LEMD2: variants seen among roughly 807,000 people sequenced by gnomAD.
LEMD2 encodes the protein LEM domain-containing protein 2.
Under a neutral mutation model 58.8 loss-of-function variants are expected in LEMD2, and 34 were observed. The ratio of observed to expected loss-of-function variants is 0.58; its 90% CI spans 0.44 to 0.77. The LOEUF is 0.77. LEMD2 is among the 30% of genes least tolerant of loss of function. The pLI is 0.00. For synonymous variants in LEMD2, 298 were observed against 308.9 expected (o/e 0.96, Z 0.37); for missense variants, 629 against 717.9 (o/e 0.88, Z 1.42).
chr6:33,777,894 T>C (rs1414692754), intron 6 of LEMD2, among the ~76,000 whole-genome samples: 4 of 152,246 alleles, frequency 2.6e-5, no homozygotes, highest in African/African-American at 9.6e-5. Context: ...AAGCCCCTGC[T>C]GTGCCTCCTG....
intron 4 of LEMD2, 79 bp from the exon 5 acceptor site, chr6:33,780,258 A>G (rs867893530): frequency 2.4e-6 from 3 of 1,271,284 alleles, no homozygotes; most frequent in Middle Eastern, 3.7e-4. Context: ...TGGATTAAGG[A>G]AGCCCTCTCC....
intron 3 of LEMD2, chr6:33,781,984 T>C (rs1314931181): frequency 6.6e-6 from 1 of 152,338 alleles, no homozygotes; most frequent in Non-Finnish European, 1.5e-5. Flanking sequence ...CCAGTGAGTG[T>C]GTTTCTGCAT....
intron 8 of LEMD2, among the ~76,000 whole-genome samples, chr6:33,774,030 G>C (rs539174418): frequency 6.6e-6 from 1 of 152,298 alleles, no homozygotes; most frequent in South Asian, 2.1e-4. Context: ...ATGCACGAAG[G>C]CTTGGGTGGT....
Position 33,778,187 on chromosome 6 carries a change from G to A in LEMD2, c.1156+55C>T. The A allele has an allele frequency of 1.3e-6, 2 of 1,492,486 alleles. No homozygotes were observed. The highest frequency in any genetic ancestry group is 1.8e-6 in the Non-Finnish European group (2 of 1,112,730). 92.5% of individuals were successfully genotyped at this position (1,492,486 alleles called of 1,614,324 possible). ...GGAATTTCTATAGCTCATCATTCAT[G>A]CCTAGGAGTATGCTTGACTGCACAG... On this transcript the variant is annotated intron_variant, in intron 6 of 8. Transcript: ENST00000293760. This position sits in a 1 kb window ranked among gnomAD's most constrained non-coding sequence, Gnocchi z 4.7.
rs771483321 is a variant in LEMD2 at position 33,788,973 on chromosome 6, C to G, written c.144G>C (p.Glu48Asp). ...LRGEARLRDE[E>D]RLREEARPRG... ...GCGGCCGGGCCTCCTCCCGCAGCCG[C>G]TCCTCGTCGCGCAGCCGGGCCTCGC... The change falls in exon 1 of 9, where the codon GAG becomes GAC. Residue 48 changes from glutamate (E) to aspartate (D), a missense_variant. Coordinates refer to ENST00000293760, the MANE Select transcript of LEMD2 (RefSeq NM_181336.4). 5 of 1,538,138 alleles carry G rather than the reference C, an allele frequency of 3.3e-6. No homozygotes were observed. The East Asian group carries it at 1.3e-4, about 41-fold the overall frequency.
Position 33,780,269 on chromosome 6 carries a change from C to G in LEMD2, c.931-90G>C, listed in dbSNP as rs1316259153. 2.6e-6 allele frequency: 3 copies of G among 1,146,516 alleles called. No individual in the cohort carries two copies. The South Asian group carries it at 4.0e-5, about 15-fold the overall frequency. 71.0% of individuals were successfully genotyped at this position (1,146,516 alleles called of 1,614,324 possible). A position where few individuals can be genotyped will look rare whatever the true frequency, so the allele number is the denominator to read the frequency against. ...CTGCTGGATTAAGGAAGCCCTCTCCCGTGTCCTCCACAGCCCCAAAACCCT... is the reference window on the plus strand; with the variant it reads ...CTGCTGGATTAAGGAAGCCCTCTCCGGTGTCCTCCACAGCCCCAAAACCCT... On this transcript the variant is annotated intron_variant, in intron 4 of 8. Transcript: ENST00000293760.
intron 4 of LEMD2, 64 bp from the exon 5 acceptor site, chr6:33,780,243 G>T: frequency 1.4e-6 from 2 of 1,386,854 alleles, no homozygotes; most frequent in Non-Finnish European, 2.0e-6. Context: ...ACATTATTCT[G>T]CTGCTGGATT....
chr6:33,788,466 G>A lies in LEMD2; in HGVS notation c.651C>T (p.Ala217=). The A allele has an allele frequency of 1.3e-6, 2 of 1,564,612 alleles. No individual in the cohort carries two copies. Among genetic ancestry groups the A allele is most frequent in the Non-Finnish European group, 8.6e-7 (1 of 1,156,418 alleles). The part of the protein sequence containing the change: ...ERWLSRLLLW[A]SLGLLLVFLG... ...GGAAGACGAGCAGTAGCCCTAGGCT[G>A]GCCCAGAGCAGAAGCCGAGAGAGCC... The change falls in exon 1 of 9, where the codon GCC becomes GCT. Residue 217 remains alanine (A), a synonymous_variant. Coordinates refer to ENST00000293760, the MANE Select transcript of LEMD2 (RefSeq NM_181336.4).
rs139292922 is a variant in LEMD2 at position 33,776,560 on chromosome 6, A to G, written c.1361+394T>C. The stretch of plus-strand genomic sequence containing the variant: ...GTGGGACCACGAGAATCACAAGAGC[A>G]ATGGAACCGGAGACCTGACTGTTCT... On this transcript the variant is annotated intron_variant, in intron 8 of 8. Coordinates refer to ENST00000293760, the MANE Select transcript of LEMD2 (RefSeq NM_181336.4). The G allele has an allele frequency of 3.1e-3, 723 of 236,622 alleles. 1 individual carries two copies. The highest frequency in any genetic ancestry group is 0.014 in the African/African-American group (635 of 45,674). 14.7% of individuals were successfully genotyped at this position (236,622 alleles called of 1,614,324 possible).
chr6:33,777,196 C>A lies in LEMD2; in HGVS notation c.1200G>T (p.Arg400=). 2 of 1,614,174 alleles carry A rather than the reference C, an allele frequency of 1.2e-6. No individual in the cohort carries two copies. Among genetic ancestry groups the A allele is most frequent in the Non-Finnish European group, 1.7e-6 (2 of 1,180,032 alleles). Residue 400 remains arginine (R), a synonymous_variant, in exon 7 of 9, where the codon CGG becomes CGT. Transcript: ENST00000293760. ...LWGLLILLKY[R]WRKLEEEEQA... Reference sequence around the variant, plus strand: ...GTTCCTCCTCTTCTAACTTTCGCCACCGATATTTTAGGAGAATTAGGAGCC... The same window carrying A: ...GTTCCTCCTCTTCTAACTTTCGCCAACGATATTTTAGGAGAATTAGGAGCC...
chr6:33,773,657 A>G (rs1233521192), intron 8 of LEMD2, among the ~76,000 whole-genome samples: 1 of 151,574 alleles, frequency 6.6e-6, no homozygotes, highest in Non-Finnish European at 1.5e-5. Context: ...CCATGGGCCT[A>G]TTCAGCAGCC....
chr6:33,772,833 G>C, intron 8 of LEMD2, 55 bp from the exon 9 acceptor site: 1 of 1,515,964 alleles, frequency 6.6e-7, no homozygotes, highest in South Asian at 1.2e-5. Flanking sequence ...GCCAGCCTGT[G>C]GATGCCCCTC....
chr6:33,775,326 ATTTTT>A (rs535070445), intron 8 of LEMD2, among the ~76,000 whole-genome samples: 1 of 151,600 alleles, frequency 6.6e-6, no homozygotes, highest in Non-Finnish European at 1.5e-5. Context: ...CCTTTTTTTT[ATTTTT>A]TTAAGAGATA....
intron 8 of LEMD2, among the ~76,000 whole-genome samples, chr6:33,773,289 A>C (rs1767346850): frequency 6.6e-6 from 1 of 152,102 alleles, no homozygotes; most frequent in African/African-American, 2.4e-5. Flanking sequence ...GCCACAACGG[A>C]GGGCCCCTTC....
chr6:33,783,789 C>G (rs1171312517), intron 3 of LEMD2, among the ~76,000 whole-genome samples: 1 of 152,246 alleles, frequency 6.6e-6, no homozygotes, highest in Non-Finnish European at 1.5e-5. Context: ...AGAGAACAGA[C>G]AGACCCAAGA....
At chr6:33,777,595 G>A (rs1231237403) in intron 6 of LEMD2, among the ~76,000 whole-genome samples, 8 of 152,154 alleles carry the variant, frequency 5.3e-5, no homozygotes, top group African/African-American at 1.2e-4. Context: ...CCGAGATGCT[G>A]CTGCCGATAA....
Position 33,786,779 on chromosome 6 carries a change from G to A in LEMD2, c.737-5C>T, listed in dbSNP as rs1450913714. 1 of 1,613,498 alleles carries A rather than the reference G, an allele frequency of 6.2e-7. No homozygotes were observed. Among genetic ancestry groups the A allele is most frequent in the South Asian group, 1.1e-5 (1 of 90,850 alleles). ...AGTCCACTGGCAATAACTTCACTGA[G>A]ACCAAGAAAAGAAACACAGAGGAAA... On this transcript the variant is annotated splice_region_variant and splice_polypyrimidine_tract_variant and intron_variant, in intron 1 of 8. Coordinates refer to ENST00000293760, the MANE Select transcript of LEMD2 (RefSeq NM_181336.4).
rs1554148354 is a variant in LEMD2 at position 33,773,597 on chromosome 6, G to GGC, written c.1362-820_1362-819insGC. Among the ~76,000 whole-genome samples the GGC allele has an allele frequency of 1.3e-3, 193 of 151,502 alleles. 1 individual carries two copies. Among genetic ancestry groups the GGC allele is most frequent in the Admixed American group, 6.3e-3 (96 of 15,226 alleles). On this transcript the variant is annotated intron_variant, in intron 8 of 8. Coordinates refer to ENST00000293760, the MANE Select transcript of LEMD2 (RefSeq NM_181336.4). ...AGGTGGCCAGTGAGTCAGGAGGCGG[G>GGC]GGGGGGGCTAGGGCTTCCCCAGGGG... is the stretch of plus-strand genomic sequence containing the variant.
chr6:33,781,433 T>G (rs1387017393), intron 3 of LEMD2: 1 of 415,688 alleles, frequency 2.4e-6, no homozygotes, highest in East Asian at 4.0e-5. Flanking sequence ...AATTGATCCC[T>G]AAAAGAATCA....
Sources: allele counts gnomAD v4.1 joint callset (sites outside exome capture counted in the v4.1 genomes callset), GRCh38; gene constraint gnomAD v4.1.1; non-coding constraint Gnocchi (gnomAD v3.1); transcripts MANE v1.5; gene names NCBI Gene and HGNC (gene_info 2026-07-23, HGNC 2026-07-21).